The following NRIP1 variants were observed in gnomAD, a reference collection of about 807,000 sequenced individuals.
NRIP1 encodes the protein nuclear receptor interacting protein 1.
In NRIP1, 28 loss-of-function variants were observed where a neutral mutation model predicts 75.0. That is an observed-to-expected ratio of 0.37 (90% confidence interval 0.28 to 0.51). The LOEUF (loss-of-function observed/expected upper bound fraction) is 0.51, where lower values mean the gene tolerates loss of function less well. NRIP1 is among the 20% of genes least tolerant of loss of function. The pLI, the probability that NRIP1 is intolerant of heterozygous loss-of-function variation, is 0.92. For missense variants in NRIP1, 1,435 were observed against 1,343.7 expected (o/e 1.07, Z -1.06); for synonymous variants, 526 against 487.6 (o/e 1.08, Z -1.04).
chr21:14,980,388 C>T lies in NRIP1; in HGVS notation c.-334-11862G>A, dbSNP rs554443465. Among the ~76,000 whole-genome samples, 216 of 152,044 alleles carry T rather than the reference C, an allele frequency of 1.4e-3. 1 individual carries two copies. Among genetic ancestry groups the T allele is most frequent in the African/African-American group, 4.9e-3 (202 of 41,434 alleles). ...ACTCAGGAGGCTGAGGCACGAGAAT[C>T]GCTTAAACCTGGAAGGCGGAGGTTG... On this transcript the variant is annotated intron_variant, in intron 3 of 3. Transcript: ENST00000318948.
intron 2 of NRIP1, among the ~76,000 whole-genome samples, chr21:15,017,324 C>A (rs2088259574): frequency 1.3e-5 from 2 of 152,134 alleles, no homozygotes; most frequent in South Asian, 4.1e-4. Context: ...TCCCAAGTAG[C>A]TGGAACTGCA....
chr21:14,984,872 T>A (rs1242558863), intron 3 of NRIP1, among the ~76,000 whole-genome samples: 1 of 152,240 alleles, frequency 6.6e-6, no homozygotes, highest in Admixed American at 6.5e-5. Flanking sequence ...CAGAGGATCA[T>A]TAGTATTTTT....
chr21:15,011,245 A>G (rs1462496587), intron 3 of NRIP1, among the ~76,000 whole-genome samples: 3 of 152,068 alleles, frequency 2.0e-5, no homozygotes, highest in South Asian at 4.1e-4. Flanking sequence ...GCTGGAGTGC[A>G]GTGGCGCGAT....
At chr21:15,003,556 A>G (rs1440578582) in intron 3 of NRIP1, among the ~76,000 whole-genome samples, 3 of 152,196 alleles carry the variant, frequency 2.0e-5, no homozygotes, top group African/African-American at 7.2e-5. Context: ...CTTGTCCTCT[A>G]AATGACCTAA....
intron 1 of NRIP1, among the ~76,000 whole-genome samples, chr21:15,044,337 T>C (rs993001288): frequency 2.7e-5 from 4 of 150,204 alleles, no homozygotes; most frequent in African/African-American, 4.9e-5. Context: ...ATACTAGATA[T>C]AGAATGACAC....
rs529672875 is a variant in NRIP1, at chr21:14,980,640, G to C, written c.-334-12114C>G. Reference sequence around the variant, plus strand: ...ATCAATGTTCTTACTGAAGCATTCTGGTCAAGAAATCATTTTGAAGGATGC... The same window carrying C: ...ATCAATGTTCTTACTGAAGCATTCTCGTCAAGAAATCATTTTGAAGGATGC... On this transcript the variant is annotated intron_variant, in intron 3 of 3. Coordinates refer to ENST00000318948, the MANE Select transcript of NRIP1 (RefSeq NM_003489.4). Among the ~76,000 whole-genome samples the C allele has an allele frequency of 1.3e-4, 17 of 134,632 alleles. 1 individual carries two copies. The highest frequency in any genetic ancestry group is 1.9e-4 in the Non-Finnish European group (12 of 63,880). The allele number at this position is 134,632 out of a possible 152,430, so 88.3% of individuals were successfully genotyped here.
intron 2 of NRIP1, among the ~76,000 whole-genome samples, chr21:15,036,292 G>T (rs2088831477): frequency 6.6e-6 from 1 of 152,106 alleles, no homozygotes; most frequent in Non-Finnish European, 1.5e-5. Flanking sequence ...TGCCAAAAGG[G>T]TATCCCAATT....
rs2146911641 is a variant in NRIP1, at chr21:14,964,625, G to C, written c.*91C>G. Reference sequence around the variant, plus strand: ...ATGAAAAAAGTTTCAATTATACCATGCTTTTTTTCAAATCATGCTCTTATT... The same window carrying C: ...ATGAAAAAAGTTTCAATTATACCATCCTTTTTTTCAAATCATGCTCTTATT... On this transcript the variant is annotated 3_prime_UTR_variant, in exon 4 of 4. Coordinates refer to ENST00000318948, the MANE Select transcript of NRIP1 (RefSeq NM_003489.4). The C allele has an allele frequency of 2.0e-6, 2 of 1,017,670 alleles. No individual in the cohort carries two copies. The highest frequency in any genetic ancestry group is 5.1e-5 in the East Asian group (2 of 39,202). The allele number at this position is 1,017,670 out of a possible 1,614,324, so 63.0% of individuals were successfully genotyped here.
At chr21:15,016,631 T>A (rs926178051) in intron 2 of NRIP1, among the ~76,000 whole-genome samples, 19 of 152,140 alleles carry the variant, frequency 1.2e-4, no homozygotes, top group African/African-American at 4.6e-4. Context: ...ACACCTGTAA[T>A]CCCAGCACTT....
chr21:15,028,591 A>G (rs951093658), intron 2 of NRIP1, among the ~76,000 whole-genome samples: 9 of 152,370 alleles, frequency 5.9e-5, no homozygotes, highest in African/African-American at 2.2e-4. Context: ...TAGATTTAAT[A>G]TGCAATTTTT....
intron 3 of NRIP1, among the ~76,000 whole-genome samples, chr21:15,008,384 T>C (rs1331499070): frequency 6.6e-6 from 1 of 152,140 alleles, no homozygotes; most frequent in Non-Finnish European, 1.5e-5. Context: ...CCTCTAGAGT[T>C]GGGCGAATCA....
At chr21:14,983,416 G>A (rs1402709607) in intron 3 of NRIP1, among the ~76,000 whole-genome samples, 1 of 152,190 alleles carries the variant, frequency 6.6e-6, no homozygotes, top group African/African-American at 2.4e-5. Flanking sequence ...TGAAGACTGA[G>A]AGAGGTGAGG....
intron 3 of NRIP1, among the ~76,000 whole-genome samples, chr21:14,997,287 G>T (rs980720102): frequency 1.3e-5 from 2 of 152,116 alleles, no homozygotes; most frequent in South Asian, 2.1e-4. Context: ...ATCATTTATT[G>T]TAATTCTAAA....
chr21:15,041,959 C>A (rs1457397757), intron 2 of NRIP1, among the ~76,000 whole-genome samples: 1 of 151,962 alleles, frequency 6.6e-6, no homozygotes, highest in Non-Finnish European at 1.5e-5. Flanking sequence ...TTTGCCTTTC[C>A]CCCGTAACCG....
chr21:14,986,447 A>T (rs2087405960), intron 3 of NRIP1, among the ~76,000 whole-genome samples: 1 of 152,212 alleles, frequency 6.6e-6, no homozygotes, highest in South Asian at 2.1e-4. Flanking sequence ...GAAACATAAA[A>T]TCAAGACAAA....
At chr21:15,030,638 G>A (rs2088621946) in intron 2 of NRIP1, among the ~76,000 whole-genome samples, 1 of 152,222 alleles carries the variant, frequency 6.6e-6, no homozygotes, top group Non-Finnish European at 1.5e-5. Context: ...GTAAAATTAT[G>A]CTCCCAATGA....
intron 3 of NRIP1, among the ~76,000 whole-genome samples, chr21:14,970,332 G>T (rs1376628234): frequency 6.6e-6 from 1 of 152,082 alleles, no homozygotes; most frequent in African/African-American, 2.4e-5. Flanking sequence ...GATCGCCTGA[G>T]GTCAGGAGTT....
intron 3 of NRIP1, among the ~76,000 whole-genome samples, chr21:14,982,708 G>GTT (rs200186916): frequency 4.7e-5 from 4 of 85,678 alleles, no homozygotes; most frequent in East Asian, 7.7e-4. Flanking sequence ...GTTTTTTTTT[G>GTT]TTTTTTTTTT....
intron 2 of NRIP1, among the ~76,000 whole-genome samples, chr21:15,023,883 G>C (rs1003225666): frequency 3.9e-5 from 6 of 152,168 alleles, no homozygotes; most frequent in Non-Finnish European, 7.4e-5. Context: ...TCATCACACA[G>C]AGAAAATATT....
Sources: allele counts gnomAD v4.1 joint callset (sites outside exome capture counted in the v4.1 genomes callset), GRCh38; gene constraint gnomAD v4.1.1; transcripts MANE v1.5; gene names NCBI Gene and HGNC (gene_info 2026-07-23, HGNC 2026-07-21).